Variants in BICRAL observed in about 807,000 individuals in gnomAD.
BICRAL encodes BICRA like chromatin remodeling complex associated protein.
BICRAL carries 8 observed loss-of-function variants against 91.8 expected under a neutral mutation model. The ratio of observed to expected loss-of-function variants is 0.09; its 90% CI spans 0.05 to 0.16. BICRAL has a LOEUF of 0.16. BICRAL is among the 10% of genes least tolerant of loss of function. BICRAL has a pLI of 1.00. For missense variants in BICRAL, 1,038 were observed against 1,310.9 expected (o/e 0.79, Z 3.21); for synonymous variants, 445 against 491.1 (o/e 0.91, Z 1.24).
chr6:42,814,499 G>GTGTGTGTATATATATA (rs374054837), intron 2 of BICRAL, among the ~76,000 whole-genome samples: 1 of 61,270 alleles, frequency 1.6e-5, no homozygotes, highest in African/African-American at 7.9e-5. Context: ...GTGTGTGTGT[G>GTGTGTGTATATATATA]TATATATATA....
rs745989826 is a variant in BICRAL at position 42,829,229 on chromosome 6, A to G, written c.896A>G (p.Gln299Arg). Residue 299 changes from glutamine (Q) to arginine (R), a missense_variant, in exon 6 of 13, where the codon CAA (glutamine) becomes CGA (arginine). By Grantham distance (43) the Gln-to-Arg change is conservative. Transcript: ENST00000314073. Reference sequence around the variant, plus strand: ...TTACCTGTGCATAACATCATCATACAAAGGGGTCTTGCACCAAATTCAAAT... The same window carrying G: ...TTACCTGTGCATAACATCATCATACGAAGGGGTCTTGCACCAAATTCAAAT... ...TSLPVHNIIIQRGLAPNSNKV... is the reference protein window; with the variant it reads ...TSLPVHNIIIRRGLAPNSNKV... 6.2e-7 allele frequency: 1 copy of G among 1,614,190 alleles called. No individual in the cohort carries two copies. The highest frequency in any genetic ancestry group is 8.5e-7 in the Non-Finnish European group (1 of 1,180,012).
chr6:42,783,060 G>A (rs1762971572), intron 1 of BICRAL, among the ~76,000 whole-genome samples: 1 of 151,790 alleles, frequency 6.6e-6, no homozygotes, highest in African/African-American at 2.4e-5. Context: ...CCGCATCTGC[G>A]GGCGGCCGCG....
intron 2 of BICRAL, among the ~76,000 whole-genome samples, chr6:42,817,137 A>G (rs1281255166): frequency 2.7e-5 from 4 of 150,446 alleles, no homozygotes. Context: ...TTACACACAC[A>G]CATCATTTAT....
chr6:42,768,521 T>C (rs1451573430), intron 1 of BICRAL, among the ~76,000 whole-genome samples: 1 of 152,186 alleles, frequency 6.6e-6, no homozygotes, highest in Non-Finnish European at 1.5e-5. Context: ...CCAGGATCTT[T>C]GGTTTGCAAG....
At chr6:42,830,935 G>A (rs767175617) in intron 6 of BICRAL, among the ~76,000 whole-genome samples, 2 of 152,178 alleles carry the variant, frequency 1.3e-5, no homozygotes, top group Non-Finnish European at 2.9e-5. Context: ...TTTTTATCCA[G>A]TGTAGCATTG....
intron 8 of BICRAL, among the ~76,000 whole-genome samples, chr6:42,854,358 A>AT (rs1765282070): frequency 6.6e-6 from 1 of 151,690 alleles, no homozygotes; most frequent in African/African-American, 2.4e-5. Context: ...GTTTTTTTGT[A>AT]TTTTTTGTAG....
intron 1 of BICRAL, among the ~76,000 whole-genome samples, chr6:42,799,613 C>T (rs1477971640): frequency 6.6e-6 from 1 of 152,118 alleles, no homozygotes; most frequent in Non-Finnish European, 1.5e-5. Context: ...CATTCTTTTC[C>T]AGAAGTGTTC....
At chr6:42,857,067 A>T (rs759972793) in intron 9 of BICRAL, 24 bp from the exon 10 acceptor site, 4 of 1,589,758 alleles carry the variant, frequency 2.5e-6, no homozygotes, top group Non-Finnish European at 3.4e-6. Context: ...CTTTACATTG[A>T]CATTGACCAT....
chr6:42,851,380 G>GTTA lies in BICRAL; in HGVS notation c.1840-710_1840-708dup, dbSNP rs531307941. On this transcript the variant is annotated intron_variant, in intron 6 of 12. Coordinates refer to ENST00000314073, the MANE Select transcript of BICRAL (RefSeq NM_001393499.1). ...CAAAAAAATAATAATAATAAAATAC[G>GTTA]TTATGAGATAACATAAGTTTTTTTT... Among the ~76,000 whole-genome samples the GTTA allele has an allele frequency of 1.8e-3, 278 of 151,968 alleles. 1 individual carries two copies. The highest frequency in any genetic ancestry group is 6.3e-3 in the African/African-American group (261 of 41,470).
intron 5 of BICRAL, among the ~76,000 whole-genome samples, chr6:42,828,050 A>G (rs1177345518): frequency 6.6e-6 from 1 of 152,212 alleles, no homozygotes; most frequent in Non-Finnish European, 1.5e-5. Context: ...TGGAAATAAA[A>G]TATCAGAATA....
chr6:42,765,700 A>C (rs1562451264), intron 1 of BICRAL, among the ~76,000 whole-genome samples: 2 of 152,202 alleles, frequency 1.3e-5, no homozygotes, highest in Non-Finnish European at 2.9e-5. Flanking sequence ...AGCCAGAGCC[A>C]CTGTAGGACT....
chr6:42,843,090 C>T (rs180734358), intron 6 of BICRAL, among the ~76,000 whole-genome samples: 7 of 152,100 alleles, frequency 4.6e-5, no homozygotes, highest in South Asian at 2.1e-4. Context: ...CTCCTGACCT[C>T]GTGATCTGCC....
intron 1 of BICRAL, among the ~76,000 whole-genome samples, chr6:42,802,895 C>T (rs1047950969): frequency 2.6e-5 from 4 of 152,168 alleles, no homozygotes; most frequent in African/African-American, 9.7e-5. Flanking sequence ...ATTTCTCAAT[C>T]ATTTCCTGTG....
chr6:42,842,948 G>A (rs1764849735), intron 6 of BICRAL, among the ~76,000 whole-genome samples: 1 of 151,690 alleles, frequency 6.6e-6, no homozygotes, highest in Non-Finnish European at 1.5e-5. Flanking sequence ...CCGCCTCCCA[G>A]GTTCATGCCA....
intron 1 of BICRAL, among the ~76,000 whole-genome samples, chr6:42,761,302 A>G (rs1762544041): frequency 6.6e-6 from 1 of 151,198 alleles, no homozygotes; most frequent in Non-Finnish European, 1.5e-5. Context: ...CTAAAAGTAG[A>G]AAAATTAGCT....
At chr6:42,787,357 C>T (rs1447374396) in intron 1 of BICRAL, among the ~76,000 whole-genome samples, 1 of 152,080 alleles carries the variant, frequency 6.6e-6, no homozygotes, top group Non-Finnish European at 1.5e-5. Context: ...GTTAAGTAGG[C>T]ACTGAATATT....
chr6:42,847,476 C>T (rs1765047202), intron 6 of BICRAL, among the ~76,000 whole-genome samples: 1 of 152,100 alleles, frequency 6.6e-6, no homozygotes, highest in South Asian at 2.1e-4. Flanking sequence ...TGATGTGATA[C>T]ATTAAAAGTA....
chr6:42,800,538 T>A (rs1763535378), intron 1 of BICRAL, among the ~76,000 whole-genome samples: 1 of 145,294 alleles, frequency 6.9e-6, no homozygotes, highest in South Asian at 2.2e-4. Flanking sequence ...TCCACACATT[T>A]TTTTTTCTTT....
chr6:42,813,504 A>C (rs1050132197), intron 2 of BICRAL, among the ~76,000 whole-genome samples: 1 of 152,282 alleles, frequency 6.6e-6, no homozygotes, highest in Middle Eastern at 3.4e-3. Flanking sequence ...ATATTTCAAA[A>C]ACGAAGGCAA....
Sources: gnomAD v4.1 joint callset for allele counts (sites outside exome capture counted in the v4.1 genomes callset) on GRCh38, gnomAD v4.1.1 for gene constraint, MANE v1.5 for transcripts, NCBI Gene and HGNC (gene_info 2026-07-23, HGNC 2026-07-21) for gene names.